Variants in FNIP1 observed in about 807,000 individuals in gnomAD.
FNIP1 encodes folliculin interacting protein 1, also known as folliculin-interacting protein 1.
FNIP1 carries 40 observed loss-of-function variants against 124.5 expected under a neutral mutation model. The observed-to-expected ratio is 0.32, with a 90% confidence interval of 0.25 to 0.42. The LOEUF (loss-of-function observed/expected upper bound fraction) is 0.42, where lower values mean the gene tolerates loss of function less well. FNIP1 is among the 10% of genes least tolerant of loss of function. The probability of loss-of-function intolerance (pLI) is 1.00; values close to 1 mark genes in which losing one functional copy is unlikely to be tolerated. For missense variants in FNIP1, 1,176 were observed against 1,403.7 expected (o/e 0.84, Z 2.59); for synonymous variants, 472 against 470.6 (o/e 1.00, Z -0.04).
intron 6 of FNIP1, among the ~76,000 whole-genome samples, chr5:131,715,294 T>C (rs552190656): frequency 6.6e-6 from 1 of 152,306 alleles, no homozygotes; most frequent in South Asian, 2.1e-4. Context: ...GAGAACAGCC[T>C]GGCCAACACA....
chr5:131,733,058 T>C (rs1387733283), intron 2 of FNIP1, among the ~76,000 whole-genome samples: 3 of 152,126 alleles, frequency 2.0e-5, no homozygotes, highest in Non-Finnish European at 4.4e-5. Context: ...CCTTGTAAGT[T>C]GGATTCCTAG....
intron 11 of FNIP1, among the ~76,000 whole-genome samples, 158 bp from the exon 12 acceptor site, chr5:131,679,333 C>T (rs1028861360): frequency 3.9e-5 from 6 of 152,168 alleles, no homozygotes. Flanking sequence ...TTGTCAACAA[C>T]ACAGTACCAT....
chr5:131,707,677 G>C (rs886418654), intron 8 of FNIP1, among the ~76,000 whole-genome samples: 2 of 151,740 alleles, frequency 1.3e-5, no homozygotes, highest in African/African-American at 4.8e-5. Context: ...ACTAAATCTG[G>C]GTATGACTTC....
intron 1 of FNIP1, among the ~76,000 whole-genome samples, chr5:131,749,936 A>G (rs905806536): frequency 6.6e-6 from 1 of 152,180 alleles, no homozygotes; most frequent in African/African-American, 2.4e-5. Flanking sequence ...TTGCCTAACA[A>G]TGCATTCCTC....
At chr5:131,698,232 T>C (rs1314576015) in intron 11 of FNIP1, among the ~76,000 whole-genome samples, 1 of 152,180 alleles carries the variant, frequency 6.6e-6, no homozygotes, top group Non-Finnish European at 1.5e-5. Flanking sequence ...TCTAGAGTCT[T>C]AGTTTTCACT....
At chr5:131,695,620 C>T (rs1254686839) in intron 11 of FNIP1, among the ~76,000 whole-genome samples, 1 of 152,058 alleles carries the variant, frequency 6.6e-6, no homozygotes, top group African/African-American at 2.4e-5. Flanking sequence ...CTCCTAAAAC[C>T]GAAGTATAAA....
intron 7 of FNIP1, among the ~76,000 whole-genome samples, chr5:131,710,030 T>G (rs985995565): frequency 6.6e-6 from 1 of 152,204 alleles, no homozygotes; most frequent in Non-Finnish European, 1.5e-5. Flanking sequence ...ATGAACATAC[T>G]CTACAATCAT....
chr5:131,787,137 C>A (rs1207491832), intron 1 of FNIP1, among the ~76,000 whole-genome samples: 2 of 152,132 alleles, frequency 1.3e-5, no homozygotes, highest in Admixed American at 1.3e-4. Flanking sequence ...GCCACAGTAA[C>A]CAAAATAGGT....
chr5:131,653,313 C>T (rs1319278341), intron 15 of FNIP1, among the ~76,000 whole-genome samples: 2 of 151,864 alleles, frequency 1.3e-5, no homozygotes, highest in African/African-American at 2.4e-5. Flanking sequence ...CAAGGTGGAC[C>T]GATCACCTAA....
At chr5:131,667,935 G>A (rs1266759223) in intron 15 of FNIP1, among the ~76,000 whole-genome samples, 1 of 152,134 alleles carries the variant, frequency 6.6e-6, no homozygotes, top group Non-Finnish European at 1.5e-5. Flanking sequence ...GCCAGATTTT[G>A]TTATTAAAGC....
At chr5:131,780,406 T>C (rs796752736) in intron 1 of FNIP1, among the ~76,000 whole-genome samples, 11 of 152,320 alleles carry the variant, frequency 7.2e-5, no homozygotes, top group African/African-American at 2.4e-4. Flanking sequence ...CAGAAGTCTA[T>C]GTAGGCATCT....
intron 15 of FNIP1, among the ~76,000 whole-genome samples, chr5:131,669,360 A>C (rs1445656632): frequency 6.6e-6 from 1 of 152,168 alleles, no homozygotes; most frequent in Non-Finnish European, 1.5e-5. Context: ...TCAGAGCTAG[A>C]CAAAGACATC....
chr5:131,703,742 A>C (rs1475396460), intron 10 of FNIP1, among the ~76,000 whole-genome samples: 1 of 152,242 alleles, frequency 6.6e-6, no homozygotes, highest in Non-Finnish European at 1.5e-5. Context: ...AGGACTTATT[A>C]CATACATCTA....
chr5:131,672,321 C>A lies in FNIP1; in HGVS notation c.2123G>T (p.Ser708Ile), dbSNP rs747482283. 17 of 1,614,080 alleles carry A rather than the reference C, an allele frequency of 1.1e-5. No homozygotes were observed. Among genetic ancestry groups the A allele is most frequent in the African/African-American group, 2.7e-5 (2 of 74,934 alleles). ...ACTGTCTGAATCCAGCAACTTCTCA[C>A]TCTGCCATGTTTCCTCTGTTGACTC... Reference protein sequence around the residue: ...GLESTEETWQSEKLLDSDSHT... With the variant: ...GLESTEETWQIEKLLDSDSHT... The change falls in exon 14 of 18, where the codon AGT becomes ATT. Residue 708 changes from serine to isoleucine, a missense_variant. By Grantham distance (142) the Ser-to-Ile change is moderately radical. Around this residue, in one of 2 missense-constraint regions of FNIP1, gnomAD observed 1,109 missense variants for 1,288.5 expected, o/e 0.86. Coordinates refer to ENST00000510461, the MANE Select transcript of FNIP1 (RefSeq NM_133372.3).
At chr5:131,692,121 C>T (rs1023659356) in intron 11 of FNIP1, among the ~76,000 whole-genome samples, 3 of 151,860 alleles carry the variant, frequency 2.0e-5, no homozygotes, top group Non-Finnish European at 4.4e-5. Context: ...TTGTGGAAGA[C>T]GATTTTCTAT....
chr5:131,782,846 G>C (rs1452230376), intron 1 of FNIP1, among the ~76,000 whole-genome samples: 3 of 152,240 alleles, frequency 2.0e-5, no homozygotes, highest in Non-Finnish European at 4.4e-5. Flanking sequence ...GGCTAGGCCA[G>C]GCGTGGTGGT....
intron 15 of FNIP1, among the ~76,000 whole-genome samples, chr5:131,664,712 T>C (rs1359195062): frequency 1.3e-5 from 2 of 149,348 alleles, no homozygotes; most frequent in Non-Finnish European, 3.0e-5. Flanking sequence ...CAATAATCCA[T>C]ATACATTAAA....
In FNIP1 at chr5:131,643,103, G is replaced by T. The variant is rs1766764967; in HGVS notation, c.*1582C>A. The T allele has an allele frequency of 6.6e-6, 1 of 152,186 alleles. No homozygotes were observed. Among genetic ancestry groups the T allele is most frequent in the Non-Finnish European group, 1.5e-5 (1 of 68,002 alleles). The allele number at this position is 152,186 out of a possible 1,614,324, so 9.4% of individuals were successfully genotyped here. A position where few individuals can be genotyped will look rare whatever the true frequency, so the allele number is the denominator to read the frequency against. On this transcript the variant is annotated 3_prime_UTR_variant, in exon 18 of 18. Coordinates refer to ENST00000510461, the MANE Select transcript of FNIP1 (RefSeq NM_133372.3). ...TAACTGGGACTAGGTAAAAGGTCAT[G>T]GGCCAAACAGATTGCAGACACACCA...
At chr5:131,683,208 T>G (rs567144659) in intron 11 of FNIP1, among the ~76,000 whole-genome samples, 14 of 152,246 alleles carry the variant, frequency 9.2e-5, no homozygotes, top group African/African-American at 3.1e-4. Context: ...ATTCCCATGG[T>G]TACCAAAATC....
Sources: gnomAD v4.1 joint callset for allele counts (sites outside exome capture counted in the v4.1 genomes callset) on GRCh38, gnomAD v4.1.1 for gene constraint, gnomAD v4.1.1 regional missense constraint, MANE v1.5 for transcripts, NCBI Gene and HGNC (gene_info 2026-07-23, HGNC 2026-07-21) for gene names.